Variants in SDK1 observed in about 807,000 individuals in gnomAD.
SDK1 encodes sidekick cell adhesion molecule 1, also known as protein sidekick-1.
In SDK1, 157 loss-of-function variants were observed where a neutral mutation model predicts 245.5. The observed-to-expected ratio is 0.64, with a 90% CI of 0.56 to 0.73. The LOEUF (loss-of-function observed/expected upper bound fraction) is 0.73, where lower values mean the gene tolerates loss of function less well. SDK1 is among the 30% of genes least tolerant of loss of function. The pLI, the probability that SDK1 is intolerant of heterozygous loss-of-function variation, is 0.00. For missense variants in SDK1, 3,583 were observed against 3,002.3 expected (o/e 1.19, Z -4.52); for synonymous variants, 1,647 against 1,278.5 (o/e 1.29, Z -6.15).
At chr7:3,799,253 C>G (rs916936301) in intron 4 of SDK1, among the ~76,000 whole-genome samples, 1 of 152,056 alleles carries the variant, frequency 6.6e-6, no homozygotes, top group Non-Finnish European at 1.5e-5. Flanking sequence ...GTTAAATCTT[C>G]CAACTGAATC....
chr7:3,494,316 A>G (rs1018695952), intron 1 of SDK1, among the ~76,000 whole-genome samples: 7 of 152,234 alleles, frequency 4.6e-5, no homozygotes, highest in Non-Finnish European at 1.0e-4. Context: ...GCAGGTCATT[A>G]GAAATGATAC....
intron 4 of SDK1, among the ~76,000 whole-genome samples, chr7:3,693,492 C>G (rs1476129568): frequency 6.6e-6 from 1 of 152,184 alleles, no homozygotes; most frequent in Non-Finnish European, 1.5e-5. Flanking sequence ...CCCATTTCCT[C>G]CAGAAGTATT....
intron 1 of SDK1, among the ~76,000 whole-genome samples, chr7:3,336,551 C>T (rs1294572117): frequency 3.3e-5 from 5 of 152,176 alleles, no homozygotes; most frequent in East Asian, 1.9e-4. Context: ...AGCCTCCACA[C>T]CCACTGGTGG....
intron 1 of SDK1, among the ~76,000 whole-genome samples, chr7:3,376,269 C>T (rs1255405615): frequency 2.0e-5 from 3 of 152,088 alleles, no homozygotes; most frequent in Non-Finnish European, 2.9e-5. Context: ...TTATTATAAG[C>T]CTGAAAAATT....
At position 3,584,172 on chromosome 7, in the gene SDK1, A is replaced by G. The variant is rs190681628; in HGVS notation, c.299-34908A>G. ...TGTGCTTATATGAATTTGGGAATAA[A>G]CAGGTGCTTGCTGTAAGGCTTCTTA... is the stretch of plus-strand genomic sequence containing the variant. On this transcript the variant is annotated intron_variant, in intron 1 of 44. Coordinates refer to ENST00000404826, the MANE Select transcript of SDK1 (RefSeq NM_152744.4). Among the ~76,000 whole-genome samples the G allele has an allele frequency of 1.7e-3, 256 of 152,288 alleles. 1 individual carries two copies. The highest frequency in any genetic ancestry group is 6.0e-3 in the African/African-American group (251 of 41,554).
chr7:3,400,045 G>A (rs1035246819), intron 1 of SDK1, among the ~76,000 whole-genome samples: 2 of 152,104 alleles, frequency 1.3e-5, no homozygotes, highest in African/African-American at 4.8e-5. Flanking sequence ...TTCCCTGAGA[G>A]CTGTGAAGCA....
intron 5 of SDK1, among the ~76,000 whole-genome samples, chr7:3,877,182 G>A (rs1338865260): frequency 6.6e-6 from 1 of 152,176 alleles, no homozygotes; most frequent in Admixed American, 6.5e-5. Flanking sequence ...TGGCCACTTG[G>A]TCTTTCAGTC....
chr7:3,622,134 A>G (rs1440474639), intron 2 of SDK1, among the ~76,000 whole-genome samples: 1 of 152,144 alleles, frequency 6.6e-6, no homozygotes, highest in East Asian at 1.9e-4. Context: ...ACATACGCTA[A>G]GTTTATTGGG....
intron 13 of SDK1, among the ~76,000 whole-genome samples, chr7:3,986,197 A>C (rs1370209160): frequency 8.7e-6 from 1 of 115,454 alleles, no homozygotes; most frequent in Non-Finnish European, 2.1e-5. Context: ...CCCAGTAAAA[A>C]CTTTTTTTTT....
intron 1 of SDK1, among the ~76,000 whole-genome samples, chr7:3,489,263 A>G (rs1186466684): frequency 1.3e-5 from 2 of 152,214 alleles, no homozygotes; most frequent in Admixed American, 6.5e-5. Flanking sequence ...AGCCATAACA[A>G]TGTGCAAACA....
chr7:4,076,917 C>T (rs1780718873), intron 20 of SDK1, 81 bp from the exon 21 acceptor site: 2 of 1,253,232 alleles, frequency 1.6e-6, no homozygotes, highest in African/African-American at 2.9e-5. Context: ...AGCTCCAAGC[C>T]TGCAACGATG....
At chr7:3,577,082 C>T (rs138943990) in intron 1 of SDK1, among the ~76,000 whole-genome samples, 3 of 152,128 alleles carry the variant, frequency 2.0e-5, no homozygotes, top group Non-Finnish European at 4.4e-5. Context: ...ACAGCACACA[C>T]ATCCTCCTGG....
At chr7:4,061,750 A>G (rs948387066) in intron 19 of SDK1, among the ~76,000 whole-genome samples, 6 of 152,240 alleles carry the variant, frequency 3.9e-5, no homozygotes, top group African/African-American at 1.4e-4. Context: ...CAACAATGAT[A>G]GACTGGATTA....
chr7:4,264,207 G>GGGGAGGCCGCGTAGACCTCTCCTGAGT (rs1554272736), intron 44 of SDK1, among the ~76,000 whole-genome samples: 1 of 16,864 alleles, frequency 5.9e-5, no homozygotes, highest in African/African-American at 9.4e-4. Context: ...TCTCCTGAGT[G>GGGGAGGCCGCGTAGACCTCTCCTGAGT]GGGGAGGCCG....
intron 4 of SDK1, among the ~76,000 whole-genome samples, chr7:3,798,302 C>T (rs572467039): frequency 2.1e-5 from 3 of 143,454 alleles, no homozygotes; most frequent in Non-Finnish European, 3.0e-5. Context: ...ACTGCAAGCT[C>T]TACCTCCTGG....
At chr7:3,975,743 T>A (rs1044352185) in intron 13 of SDK1, among the ~76,000 whole-genome samples, 2 of 152,200 alleles carry the variant, frequency 1.3e-5, no homozygotes, top group African/African-American at 4.8e-5. Context: ...AAACATCCCA[T>A]CCCAACTCCT....
At chr7:3,989,553 G>A (rs939091883) in intron 14 of SDK1, among the ~76,000 whole-genome samples, 1 of 152,186 alleles carries the variant, frequency 6.6e-6, no homozygotes, top group African/African-American at 2.4e-5. Flanking sequence ...TATTCGGCCT[G>A]TGGTTGTCTC....
chr7:3,777,302 C>T (rs1780596137), intron 4 of SDK1, among the ~76,000 whole-genome samples: 1 of 152,198 alleles, frequency 6.6e-6, no homozygotes, highest in African/African-American at 2.4e-5. Context: ...CCCTTATTGG[C>T]ATCCTGTTTA....
chr7:3,959,270 C>A (rs1246285098), intron 8 of SDK1, among the ~76,000 whole-genome samples: 2 of 152,126 alleles, frequency 1.3e-5, no homozygotes, highest in Non-Finnish European at 2.9e-5. Context: ...ACATCTACCC[C>A]AGACAGAGAG....
Sources: allele counts gnomAD v4.1 joint callset (sites outside exome capture counted in the v4.1 genomes callset), GRCh38; gene constraint gnomAD v4.1.1; transcripts MANE v1.5; gene names NCBI Gene and HGNC (gene_info 2026-07-23, HGNC 2026-07-21).